The following NLGN4X variants were observed in gnomAD, a reference collection of about 807,000 sequenced individuals.
NLGN4X encodes the protein neuroligin 4 X-linked.
A neutral mutation model predicts 40.3 loss-of-function variants in NLGN4X; 3 were observed. The observed-to-expected ratio is 0.07, with a 90% confidence interval of 0.03 to 0.19. The LOEUF (loss-of-function observed/expected upper bound fraction) is 0.19, where lower values mean the gene tolerates loss of function less well. NLGN4X is among the 10% of genes least tolerant of loss of function. The pLI is 1.00. For missense variants in NLGN4X, 382 were observed against 708.3 expected (o/e 0.54, Z 5.23); for synonymous variants, 270 against 306.8 (o/e 0.88, Z 1.25).
chrX:5,937,879 T>C (rs2033783950), intron 3 of NLGN4X, among the ~76,000 whole-genome samples: 1 of 112,439 alleles, frequency 8.9e-6, no homozygotes, highest in African/African-American at 3.2e-5. Flanking sequence ...TGTTCTCTAA[T>C]GGTTGCATCC....
chrX:6,138,727 C>T (rs1199589749), intron 2 of NLGN4X, among the ~76,000 whole-genome samples: 7 of 110,695 alleles, frequency 6.3e-5, no homozygotes, highest in South Asian at 3.8e-4. Context: ...GGTTAATGAA[C>T]GGGAAAATAC....
intron 3 of NLGN4X, among the ~76,000 whole-genome samples, chrX:6,016,781 C>T (rs758292683): frequency 3.6e-5 from 4 of 110,936 alleles, no homozygotes; most frequent in African/African-American, 1.3e-4. Context: ...GAAATATTAC[C>T]GAACCATAAA....
At chrX:5,948,656 T>TCCAACA (rs2034210823) in intron 3 of NLGN4X, among the ~76,000 whole-genome samples, 1 of 111,754 alleles carries the variant, frequency 8.9e-6, no homozygotes. Context: ...CTATGGAGGG[T>TCCAACA]CCAACACCAA....
intron 1 of NLGN4X, among the ~76,000 whole-genome samples, chrX:6,196,388 A>G (rs370468229): frequency 0.011 from 1,198 of 108,978 alleles, 19 homozygotes; most frequent in African/African-American, 0.037. Context: ...TGTCTCTACT[A>G]AAAATACAAA....
intron 1 of NLGN4X, among the ~76,000 whole-genome samples, chrX:6,217,382 A>G (rs1925176056): frequency 8.9e-6 from 1 of 111,793 alleles, no homozygotes; most frequent in Admixed American, 9.5e-5. Flanking sequence ...ATTTTAAGTT[A>G]ATTTTTATAA....
At chrX:6,022,002 C>T (rs2036571846) in intron 3 of NLGN4X, among the ~76,000 whole-genome samples, 1 of 112,090 alleles carries the variant, frequency 8.9e-6, no homozygotes, top group African/African-American at 3.2e-5. Context: ...TTCATCTTGT[C>T]TCAGGATTTC....
At chrX:6,007,602 A>G (rs1490530248) in intron 3 of NLGN4X, among the ~76,000 whole-genome samples, 1 of 112,365 alleles carries the variant, frequency 8.9e-6, no homozygotes, top group Admixed American at 9.5e-5. Flanking sequence ...TACATTTGCT[A>G]ACAAAATAGT....
intron 2 of NLGN4X, among the ~76,000 whole-genome samples, chrX:6,090,974 G>T (rs753431868): frequency 2.0e-4 from 18 of 88,272 alleles, no homozygotes; most frequent in African/African-American, 8.7e-4. Context: ...GGAAGAAAAA[G>T]AAAAGGAAGC....
chrX:5,902,745 C>G (rs1205985223), intron 5 of NLGN4X, among the ~76,000 whole-genome samples: 1 of 112,254 alleles, frequency 8.9e-6, no homozygotes, highest in Non-Finnish European at 1.9e-5. Context: ...ACAGAACCAT[C>G]ATATATGTAT....
intron 1 of NLGN4X, among the ~76,000 whole-genome samples, chrX:6,202,697 C>A (rs766573621): frequency 2.7e-5 from 3 of 111,423 alleles, no homozygotes; most frequent in Non-Finnish European, 5.7e-5. Flanking sequence ...TGCATCCAAG[C>A]AACATAATAT....
chrX:6,140,690 G>A (rs994047970), intron 2 of NLGN4X, among the ~76,000 whole-genome samples: 3 of 109,567 alleles, frequency 2.7e-5, no homozygotes, highest in African/African-American at 6.7e-5. Flanking sequence ...TGATCCTCCC[G>A]CCTCATCCCC....
chrX:6,142,890 G>A (rs1047984366), intron 2 of NLGN4X, among the ~76,000 whole-genome samples: 16 of 111,825 alleles, frequency 1.4e-4, no homozygotes, highest in African/African-American at 4.9e-4. Context: ...TTTTAAAAAT[G>A]TTATTCCTCC....
chrX:6,142,069 T>C (rs1000288828), intron 2 of NLGN4X, among the ~76,000 whole-genome samples: 2 of 111,689 alleles, frequency 1.8e-5, no homozygotes, highest in African/African-American at 3.2e-5. Flanking sequence ...TCTTATGATA[T>C]GCACTATGTG....
intron 3 of NLGN4X, among the ~76,000 whole-genome samples, chrX:5,975,619 A>T (rs2035154999): frequency 9.1e-6 from 1 of 109,334 alleles, no homozygotes; most frequent in Non-Finnish European, 1.9e-5. Flanking sequence ...TTTCAAAAAA[A>T]AAAAAAAAAA....
intron 1 of NLGN4X, chrX:6,187,577 A>G (rs1922177142): frequency 8.9e-6 from 1 of 112,629 alleles, no homozygotes; most frequent in Non-Finnish European, 1.9e-5. Context: ...TCCCAGGCGA[A>G]GTCTCCACTG....
chrX:5,951,676 C>T (rs1041261220), intron 3 of NLGN4X, among the ~76,000 whole-genome samples: 1 of 111,137 alleles, frequency 9.0e-6, no homozygotes, highest in Admixed American at 9.6e-5. Context: ...TCATAGACAG[C>T]GCCTTCTTGC....
intron 2 of NLGN4X, among the ~76,000 whole-genome samples, chrX:6,113,947 AG>A (rs1362665561): frequency 1.8e-5 from 2 of 110,809 alleles, no homozygotes; most frequent in African/African-American, 3.3e-5. Flanking sequence ...CAGCTTCCCA[AG>A]TAGCTGTAAC....
chrX:6,128,751 C>T (rs1053786003), intron 2 of NLGN4X, among the ~76,000 whole-genome samples: 9 of 112,034 alleles, frequency 8.0e-5, no homozygotes, highest in Non-Finnish European at 1.7e-4. Flanking sequence ...GATCTATACC[C>T]CAAACTTCAG....
intron 3 of NLGN4X, among the ~76,000 whole-genome samples, chrX:5,963,164 A>G (rs1447449938): frequency 9.1e-6 from 1 of 109,814 alleles, no homozygotes. Context: ...GAGGGCTCAG[A>G]AAAAAAAAGA....
Sources: gnomAD v4.1 joint callset for allele counts (sites outside exome capture counted in the v4.1 genomes callset) on GRCh38, gnomAD v4.1.1 for gene constraint, MANE v1.5 for transcripts, NCBI Gene and HGNC (gene_info 2026-07-23, HGNC 2026-07-21) for gene names.